The following PPM1L variants were observed in gnomAD, a reference collection of about 807,000 sequenced individuals.
PPM1L encodes the protein protein phosphatase, Mg2+/Mn2+ dependent 1L.
PPM1L carries 13 observed loss-of-function variants against 31.4 expected under a neutral mutation model. The ratio of observed to expected loss-of-function variants is 0.41; its 90% CI spans 0.27 to 0.66. The LOEUF (loss-of-function observed/expected upper bound fraction) is 0.66. Ranked by LOEUF, PPM1L falls within the 30% of genes least tolerant of loss-of-function variation. The pLI, the probability that PPM1L is intolerant of heterozygous loss-of-function variation, is 0.29. For synonymous variants in PPM1L, 184 were observed against 175.4 expected, an observed-to-expected ratio of 1.05 and a Z score of -0.39; for missense variants, 326 against 453.7, an observed-to-expected ratio of 0.72 and a Z score of 2.56.
intron 2 of PPM1L, among the ~76,000 whole-genome samples, chr3:161,016,746 G>A (rs1466785285): frequency 6.6e-6 from 1 of 152,202 alleles, no homozygotes; most frequent in Non-Finnish European, 1.5e-5. Flanking sequence ...TTGGGGAAAA[G>A]TAAGCTTTTC....
At chr3:161,022,882 T>A (rs1718276369) in intron 2 of PPM1L, among the ~76,000 whole-genome samples, 1 of 152,054 alleles carries the variant, frequency 6.6e-6, no homozygotes, top group Non-Finnish European at 1.5e-5. Flanking sequence ...GCCAGAATGG[T>A]CTCGATCTCC....
In PPM1L at chr3:161,069,838, C is replaced by G. The variant is rs1272045383; in HGVS notation, c.*681C>G. 6.6e-6 allele frequency: 1 copy of G among 152,356 alleles called. No individual in the cohort carries two copies. Among genetic ancestry groups the G allele is most frequent in the Non-Finnish European group, 1.5e-5 (1 of 68,182 alleles). The allele number at this position is 152,356 out of a possible 1,614,324, so 9.4% of individuals were successfully genotyped here. A position where few individuals can be genotyped will look rare whatever the true frequency, so the allele number is the denominator to read the frequency against. The stretch of plus-strand genomic sequence containing the variant: ...TAATAGTTAAATAGACTTTGTATAC[C>G]ACCTGACCAGCCTTTGTGCATTTAT... On this transcript the variant is annotated 3_prime_UTR_variant, in exon 4 of 4. Transcript: ENST00000498165.
At chr3:160,843,442 A>AC (rs1713964567) in intron 1 of PPM1L, among the ~76,000 whole-genome samples, 1 of 102,612 alleles carries the variant, frequency 9.7e-6, no homozygotes, top group Non-Finnish European at 2.1e-5. Flanking sequence ...ATATATATAT[A>AC]TATATATATA....
At chr3:160,758,528 G>A (rs753086850) in intron 1 of PPM1L, among the ~76,000 whole-genome samples, 1 of 152,074 alleles carries the variant, frequency 6.6e-6, no homozygotes, top group Non-Finnish European at 1.5e-5. Context: ...TGAAATTTTG[G>A]GTTGTGGTTG....
chr3:160,935,557 C>T (rs1485194587), intron 1 of PPM1L, among the ~76,000 whole-genome samples: 1 of 152,184 alleles, frequency 6.6e-6, no homozygotes, highest in East Asian at 1.9e-4. Flanking sequence ...TATGCTTAAG[C>T]AATACTGCAC....
chr3:160,854,495 A>G (rs935667457), intron 1 of PPM1L, among the ~76,000 whole-genome samples: 1 of 152,160 alleles, frequency 6.6e-6, no homozygotes, highest in African/African-American at 2.4e-5. Context: ...CCAGGCTTAG[A>G]AGTTTGGATT....
At chr3:160,847,968 C>T (rs762415529) in intron 1 of PPM1L, among the ~76,000 whole-genome samples, 2 of 152,022 alleles carry the variant, frequency 1.3e-5, no homozygotes, top group Admixed American at 6.6e-5. Flanking sequence ...CTGGAATTAC[C>T]ACAGTGAATT....
intron 1 of PPM1L, among the ~76,000 whole-genome samples, chr3:160,905,938 G>T (rs550756691): frequency 1.3e-5 from 2 of 151,836 alleles, no homozygotes; most frequent in South Asian, 2.1e-4. Context: ...TAAAATCTTA[G>T]CCCTAGTTTT....
At chr3:160,922,203 G>A (rs1195087121) in intron 1 of PPM1L, among the ~76,000 whole-genome samples, 1 of 152,100 alleles carries the variant, frequency 6.6e-6, no homozygotes, top group African/African-American at 2.4e-5. Context: ...CCAGCTACTT[G>A]GGAGGCTGAG....
intron 1 of PPM1L, among the ~76,000 whole-genome samples, chr3:160,798,138 A>G (rs976319104): frequency 1.3e-5 from 2 of 152,194 alleles, no homozygotes; most frequent in African/African-American, 2.4e-5. Flanking sequence ...AGATCACGCC[A>G]TTGCACTCCA....
Position 160,945,117 on chromosome 3 carries a change from CTAT to C in PPM1L, c.400-16618_400-16616del, listed in dbSNP as rs1559897806. Among the ~76,000 whole-genome samples, 12 of 10,324 alleles carry C rather than the reference CTAT, an allele frequency of 1.2e-3. No homozygotes were observed. In the East Asian group the frequency reaches 0.013, roughly 11 times the overall value. 6.8% of individuals were successfully genotyped at this position (10,324 alleles called of 152,430 possible). A position where few individuals can be genotyped will look rare whatever the true frequency, so the allele number is the denominator to read the frequency against. On this transcript the variant is annotated intron_variant, in intron 1 of 3. Transcript: ENST00000498165. ...ATGTTATATATAACATATATGTTAT[CTAT>C]CTATCTATCTATCTATCTATCTATC... is the stretch of plus-strand genomic sequence containing the variant.
chr3:160,955,535 T>G (rs1404543201), intron 1 of PPM1L, among the ~76,000 whole-genome samples: 2 of 152,210 alleles, frequency 1.3e-5, no homozygotes, highest in African/African-American at 4.8e-5. Context: ...TGTGTTTTGT[T>G]TGCATATTAA....
At chr3:160,906,731 TG>T (rs1326413763) in intron 1 of PPM1L, among the ~76,000 whole-genome samples, 1 of 152,150 alleles carries the variant, frequency 6.6e-6, no homozygotes, top group Non-Finnish European at 1.5e-5. Flanking sequence ...GAAGGTTTGA[TG>T]GGGTGGATTC....
At chr3:160,940,463 T>C (rs1715125944) in intron 1 of PPM1L, among the ~76,000 whole-genome samples, 1 of 152,160 alleles carries the variant, frequency 6.6e-6, no homozygotes, top group Non-Finnish European at 1.5e-5. Flanking sequence ...TTTTGTGGGC[T>C]GGGCGCAGGG....
chr3:161,011,874 TG>T (rs1717906343), intron 2 of PPM1L, among the ~76,000 whole-genome samples: 2 of 152,312 alleles, frequency 1.3e-5, no homozygotes, highest in Admixed American at 1.3e-4. Flanking sequence ...TTTTGTATCC[TG>T]AGAACTTGCT....
intron 1 of PPM1L, among the ~76,000 whole-genome samples, chr3:160,805,955 T>C (rs935039186): frequency 3.3e-5 from 5 of 152,128 alleles, no homozygotes; most frequent in Non-Finnish European, 5.9e-5. Context: ...GCCCATATTC[T>C]TGCCATGGCT....
intron 2 of PPM1L, among the ~76,000 whole-genome samples, chr3:161,026,991 C>A (rs1188600382): frequency 2.0e-5 from 3 of 152,226 alleles, no homozygotes; most frequent in African/African-American, 7.2e-5. Flanking sequence ...CTGAAACTTA[C>A]TACCTTGGAT....
At chr3:161,007,587 C>G (rs1410243851) in intron 2 of PPM1L, among the ~76,000 whole-genome samples, 1 of 152,194 alleles carries the variant, frequency 6.6e-6, no homozygotes, top group Non-Finnish European at 1.5e-5. Context: ...CCCAGGACAG[C>G]TTTGAATGTG....
At chr3:160,980,657 G>C (rs145661457) in intron 2 of PPM1L, among the ~76,000 whole-genome samples, 644 of 150,272 alleles carry the variant, frequency 4.3e-3, no homozygotes, top group Non-Finnish European at 6.2e-3. Flanking sequence ...GACAGAGTGA[G>C]ACCTTGGAAA....
Sources: allele counts gnomAD v4.1 joint callset (sites outside exome capture counted in the v4.1 genomes callset), GRCh38; gene constraint gnomAD v4.1.1; transcripts MANE v1.5; gene names NCBI Gene and HGNC (gene_info 2026-07-23, HGNC 2026-07-21).